ANK2: variants seen among roughly 807,000 people sequenced by gnomAD.
ANK2 encodes ankyrin 2, also known as ankyrin-2.
ANK2 carries 83 observed loss-of-function variants against 360.5 expected under a neutral mutation model. The observed-to-expected ratio is 0.23, with a 90% CI of 0.19 to 0.28. ANK2 has a LOEUF of 0.28. Among genes scored for constraint, ANK2 ranks in the 10% least tolerant of loss-of-function variants. The pLI is 1.00. For missense variants in ANK2, 4,201 were observed against 4,795.7 expected (o/e 0.88, Z 3.66); for synonymous variants, 1,740 against 1,759.5 (o/e 0.99, Z 0.28).
At chr4:113,371,026 TG>T (rs1468241135) in intron 43 of ANK2, among the ~76,000 whole-genome samples, 2 of 152,160 alleles carry the variant, frequency 1.3e-5, no homozygotes, top group African/African-American at 4.8e-5. Context: ...AATTAGATAT[TG>T]TTTTTTCTTT....
chr4:112,728,292 CAAAAAAAAAAA>C, the ANK2 span, among the ~76,000 whole-genome samples: 58 of 40,130 alleles, frequency 1.4e-3, no homozygotes, highest in African/African-American at 5.5e-3. Context: ...GACTCTGTCT[CAAAAAAAAAAA>C]AAAAAAAAAA....
intron 1 of ANK2, among the ~76,000 whole-genome samples, chr4:113,131,961 T>C (rs886587381): frequency 6.6e-6 from 1 of 152,154 alleles, no homozygotes; most frequent in East Asian, 1.9e-4. Context: ...TTTTCCCCTT[T>C]CCTCTTTGAG....
Position 113,367,701 on chromosome 4 carries a change from C to T in ANK2, c.11168C>T (p.Thr3723Ile). 1.9e-6 allele frequency: 3 copies of T among 1,613,994 alleles called. No homozygotes were observed. Among genetic ancestry groups the T allele is most frequent in the Non-Finnish European group, 2.5e-6 (3 of 1,179,990 alleles). Residue 3723 changes from threonine to isoleucine, a missense_variant, in exon 42 of 46, where the codon ACT becomes ATT. This residue lies in a region of ANK2 where 2,642 missense variants were observed against 2,714.5 expected (regional missense o/e 0.97). Transcript: ENST00000357077. ...GAAGACATTTCTGTTGGTTATTCCA[C>T]TTTTCAGGATGGCGTCCCCAAAACT... ...SEEDISVGYS[T>I]FQDGVPKTEG...
intron 2 of ANK2, among the ~76,000 whole-genome samples, chr4:112,910,855 A>G (rs1345034615): frequency 6.6e-6 from 1 of 152,226 alleles, no homozygotes; most frequent in African/African-American, 2.4e-5. Flanking sequence ...CTTCTTTTAA[A>G]AAGTTTTTAA....
rs1259870827 is a variant in ANK2 at position 113,293,427 on chromosome 4, ACT to A, written c.2377-6_2377-5del. On this transcript the variant is annotated splice_polypyrimidine_tract_variant and intron_variant, in intron 21 of 45. Coordinates refer to ENST00000357077, the MANE Select transcript of ANK2 (RefSeq NM_001148.6). ...TCTTATTTCTCACTCTCTCTCTTTC[ACT>A]CTCTCTTCAGAATGGCAACACTGCC... is the stretch of plus-strand genomic sequence containing the variant. 5 of 1,604,996 alleles carry A rather than the reference ACT, an allele frequency of 3.1e-6. No homozygotes were observed. The highest frequency in any genetic ancestry group is 4.3e-6 in the Non-Finnish European group (5 of 1,175,180).
At chr4:113,381,053 GT>G (rs1189443762) in intron 45 of ANK2, among the ~76,000 whole-genome samples, 1 of 152,118 alleles carries the variant, frequency 6.6e-6, no homozygotes, top group East Asian at 1.9e-4. Flanking sequence ...TTAAAAAAAG[GT>G]TTTTTTAGCC....
chr4:112,913,600 C>T (rs910143237), intron 2 of ANK2, among the ~76,000 whole-genome samples: 1 of 152,064 alleles, frequency 6.6e-6, no homozygotes, highest in Non-Finnish European at 1.5e-5. Context: ...GAGTTTAATA[C>T]CTTGAATTCT....
chr4:113,287,776 C>T, intron 19 of ANK2, 73 bp downstream of exon 19: 3 of 1,284,476 alleles, frequency 2.3e-6, no homozygotes, highest in Non-Finnish European at 3.4e-6. Context: ...ATTCGGGTCA[C>T]CCCATGTCCA....
intron 1 of ANK2, among the ~76,000 whole-genome samples, chr4:113,075,629 GC>G (rs1156563543): frequency 1.3e-5 from 2 of 152,146 alleles, no homozygotes; most frequent in Non-Finnish European, 2.9e-5. Flanking sequence ...AGCTGGTTCA[GC>G]TTGGGCATGC....
chr4:112,871,200 T>G (rs1312531816), intron 1 of ANK2, among the ~76,000 whole-genome samples: 4 of 152,088 alleles, frequency 2.6e-5, no homozygotes, highest in Non-Finnish European at 4.4e-5. Flanking sequence ...TTTTTTTTTT[T>G]TGTGAGATGG....
At chr4:113,142,541 A>G (rs2096670309) in intron 1 of ANK2, among the ~76,000 whole-genome samples, 1 of 152,108 alleles carries the variant, frequency 6.6e-6, no homozygotes, top group African/African-American at 2.4e-5. Flanking sequence ...TCACAGTAGC[A>G]CCAGGTGTTT....
At chr4:113,257,880 C>T (rs2050376403) in intron 11 of ANK2, among the ~76,000 whole-genome samples, 170 bp from the exon 12 acceptor site, 1 of 152,174 alleles carries the variant, frequency 6.6e-6, no homozygotes, top group Admixed American at 6.5e-5. Context: ...AAGTTCAGTG[C>T]CTACAGGAAC....
intron 1 of ANK2, chr4:113,146,123 G>T: frequency 9.1e-7 from 1 of 1,096,506 alleles, no homozygotes; most frequent in Non-Finnish European, 1.2e-6. Flanking sequence ...AAGCCAATGT[G>T]ATCAAACCAC....
chr4:113,170,965 A>G (rs986419076), intron 1 of ANK2, among the ~76,000 whole-genome samples: 4 of 152,158 alleles, frequency 2.6e-5, no homozygotes, highest in African/African-American at 9.7e-5. Context: ...TTGTTTTAGG[A>G]TTTGAGAGTC....
intron 1 of ANK2, among the ~76,000 whole-genome samples, chr4:113,065,331 A>T (rs1008922425): frequency 6.6e-5 from 10 of 152,242 alleles, no homozygotes; most frequent in African/African-American, 2.4e-4. Flanking sequence ...TATAATAAAT[A>T]TAATATTTTT....
At chr4:112,845,931 G>C (rs1362413262) in intron 1 of ANK2, among the ~76,000 whole-genome samples, 1 of 152,182 alleles carries the variant, frequency 6.6e-6, no homozygotes, top group Middle Eastern at 3.2e-3. Context: ...TGCCCAACCA[G>C]ATCCAGGACA....
the ANK2 span, among the ~76,000 whole-genome samples, chr4:112,775,700 G>A: frequency 6.6e-6 from 1 of 152,120 alleles, no homozygotes; most frequent in Non-Finnish European, 1.5e-5. Flanking sequence ...ATCACTTTAA[G>A]TTTGAGTTAC....
chr4:112,738,790 G>T, the ANK2 span: 11 of 622,770 alleles, frequency 1.8e-5, no homozygotes, highest in South Asian at 1.5e-4. Flanking sequence ...AAACCCAGAG[G>T]TATTGACAAC....
the ANK2 span, among the ~76,000 whole-genome samples, chr4:112,725,574 G>C: frequency 6.6e-6 from 1 of 151,780 alleles, no homozygotes; most frequent in Non-Finnish European, 1.5e-5. Context: ...TGGCTAGGCT[G>C]GTCTTGAACT....
Sources: allele counts gnomAD v4.1 joint callset (sites outside exome capture counted in the v4.1 genomes callset), GRCh38; gene constraint gnomAD v4.1.1; regional missense constraint gnomAD v4.1.1; transcripts MANE v1.5; gene names NCBI Gene and HGNC (gene_info 2026-07-23, HGNC 2026-07-21).